Variants in OPHN1 observed in about 807,000 individuals in gnomAD.
The protein encoded by OPHN1 is oligophrenin-1.
A neutral mutation model predicts 60.7 loss-of-function variants in OPHN1; 11 were observed. The observed-to-expected ratio is 0.18, with a 90% CI of 0.11 to 0.30. OPHN1 has a LOEUF of 0.30. Ranked by LOEUF, OPHN1 falls within the 10% of genes least tolerant of loss-of-function variation. OPHN1 has a pLI of 1.00. For synonymous variants in OPHN1, 226 were observed against 222.6 expected, an observed-to-expected ratio of 1.02 and a Z score of -0.14; for missense variants, 449 against 611.0, an observed-to-expected ratio of 0.73 and a Z score of 2.80.
chrX:68,271,352 C>T (rs1011621379), intron 5 of OPHN1, among the ~76,000 whole-genome samples: 1 of 106,271 alleles, frequency 9.4e-6, no homozygotes, highest in African/African-American at 3.5e-5. Flanking sequence ...ATGGCGAAAC[C>T]CTATCTCTAC....
Position 68,095,298 on chromosome X carries a change from G to A in OPHN1, c.1686+1572C>T, listed in dbSNP as rs761031080. Among the ~76,000 whole-genome samples the A allele has an allele frequency of 1.7e-4, 19 of 111,524 alleles. No individual in the cohort carries two copies. The South Asian group carries it at 4.5e-3, about 26-fold the overall frequency. On this transcript the variant is annotated intron_variant, in intron 19 of 24. Transcript: ENST00000355520. ...TCAGCAAATTACAGCCCACAGGCCT[G>A]TTTCCCATTTTGTAAATAGAATTTT...
At chrX:68,133,824 AT>A (rs559388407) in intron 15 of OPHN1, among the ~76,000 whole-genome samples, 25 of 110,295 alleles carry the variant, frequency 2.3e-4, no homozygotes, top group East Asian at 5.7e-4. Context: ...GTATAGTGCA[AT>A]TTTTTTTTGA....
At chrX:68,376,291 A>G (rs1225636023) in intron 2 of OPHN1, among the ~76,000 whole-genome samples, 2 of 111,828 alleles carry the variant, frequency 1.8e-5, no homozygotes, top group African/African-American at 6.5e-5. Flanking sequence ...CAGCAGAAAG[A>G]TCAGAGAAGG....
chrX:68,281,746 G>A (rs2078020250), intron 4 of OPHN1, among the ~76,000 whole-genome samples: 1 of 112,150 alleles, frequency 8.9e-6, no homozygotes, highest in African/African-American at 3.2e-5. Flanking sequence ...TTTAATAATA[G>A]GCAAAAGAAC....
chrX:68,262,676 A>T (rs1668466251), intron 5 of OPHN1, among the ~76,000 whole-genome samples: 1 of 112,189 alleles, frequency 8.9e-6, no homozygotes, highest in African/African-American at 3.2e-5. Flanking sequence ...AATTCAAGCT[A>T]CTTGGAAGGC....
intron 2 of OPHN1, among the ~76,000 whole-genome samples, chrX:68,428,430 G>A (rs1029296577): frequency 8.1e-5 from 9 of 111,022 alleles, no homozygotes; most frequent in African/African-American, 2.9e-4. Flanking sequence ...ATATCATCAG[G>A]TCCACCTGTT....
Position 68,244,826 on chromosome X carries a change from C to T in OPHN1, c.385-10238G>A, listed in dbSNP as rs190926356. Among the ~76,000 whole-genome samples, 138 of 111,247 alleles carry T rather than the reference C, an allele frequency of 1.2e-3. 1 individual carries two copies. Among genetic ancestry groups the T allele is most frequent in the African/African-American group, 4.4e-3 (134 of 30,636 alleles). On this transcript the variant is annotated intron_variant, in intron 5 of 24. Transcript: ENST00000355520. ...GCCTGTGAATGTTACTATTCTTATC[C>T]CAATTTTACAGAAGAGGAATGAGCC...
intron 2 of OPHN1, among the ~76,000 whole-genome samples, chrX:68,361,927 G>C (rs1291797545): frequency 8.9e-6 from 1 of 111,895 alleles, no homozygotes; most frequent in Admixed American, 9.5e-5. Context: ...GTAGGAGGTG[G>C]TATATGGTTG....
chrX:68,419,594 G>A (rs181794926), intron 2 of OPHN1, among the ~76,000 whole-genome samples: 1 of 99,876 alleles, frequency 1.0e-5, no homozygotes, highest in East Asian at 3.2e-4. Context: ...AGGCTGGAGT[G>A]CAGTGGTGTG....
At chrX:68,353,573 TTAAATAAA>T (rs748979828) in intron 2 of OPHN1, among the ~76,000 whole-genome samples, 2 of 110,354 alleles carry the variant, frequency 1.8e-5, no homozygotes, top group African/African-American at 3.3e-5. Flanking sequence ...AAACTCCACC[TTAAATAAA>T]TAAATAAATA....
At chrX:68,394,076 T>C (rs1191795582) in intron 2 of OPHN1, among the ~76,000 whole-genome samples, 16 of 105,115 alleles carry the variant, frequency 1.5e-4, no homozygotes, top group African/African-American at 1.7e-4. Context: ...TTTGTATTTT[T>C]AGTAGAGACG....
chrX:68,197,596 T>C (rs996416699), intron 11 of OPHN1, among the ~76,000 whole-genome samples: 6 of 110,848 alleles, frequency 5.4e-5, no homozygotes, highest in African/African-American at 2.0e-4. Flanking sequence ...CTCACTGCCT[T>C]ACTCTGTTGG....
intron 15 of OPHN1, among the ~76,000 whole-genome samples, chrX:68,146,235 A>G (rs1446424635): frequency 1.8e-5 from 2 of 112,135 alleles, no homozygotes; most frequent in Non-Finnish European, 3.8e-5. Flanking sequence ...GGAAATTTTT[A>G]AGACATGGCT....
chrX:68,223,561 A>AG (rs749940587), intron 6 of OPHN1, among the ~76,000 whole-genome samples: 58 of 111,195 alleles, frequency 5.2e-4, no homozygotes, highest in Non-Finnish European at 9.4e-4. Context: ...GGGTGGTGAG[A>AG]GGGGGCTGAA....
intron 15 of OPHN1, among the ~76,000 whole-genome samples, chrX:68,130,159 A>C (rs1301809247): frequency 9.0e-6 from 1 of 111,563 alleles, no homozygotes; most frequent in Non-Finnish European, 1.9e-5. Context: ...TTAATAACTA[A>C]TATTGGCACA....
At chrX:68,217,823 T>A (rs1468882170) in intron 6 of OPHN1, among the ~76,000 whole-genome samples, 4 of 75,741 alleles carry the variant, frequency 5.3e-5, no homozygotes, top group Non-Finnish European at 1.2e-4. Flanking sequence ...ACCACAAAGA[T>A]GGGGAAAAAA....
intron 7 of OPHN1, 140 bp downstream of exon 7, chrX:68,213,722 C>T (rs988712174): frequency 1.7e-5 from 8 of 465,349 alleles, no homozygotes; most frequent in Middle Eastern, 5.9e-4. Flanking sequence ...ACAAGAAAAA[C>T]GTAAGTTAGA....
intron 15 of OPHN1, among the ~76,000 whole-genome samples, chrX:68,127,083 T>C (rs1314844237): frequency 9.0e-6 from 1 of 110,671 alleles, no homozygotes; most frequent in Non-Finnish European, 1.9e-5. Flanking sequence ...AGTAGACTGG[T>C]GAGTATCAGA....
At chrX:68,093,676 C>T in intron 19 of OPHN1, among the ~76,000 whole-genome samples, 1 of 111,423 alleles carries the variant, frequency 9.0e-6, no homozygotes, top group Non-Finnish European at 1.9e-5. Flanking sequence ...TCCCTAATGG[C>T]TAGTGATCTT....
Sources: gnomAD v4.1 joint callset for allele counts (sites outside exome capture counted in the v4.1 genomes callset) on GRCh38, gnomAD v4.1.1 for gene constraint, MANE v1.5 for transcripts, NCBI Gene and HGNC (gene_info 2026-07-23, HGNC 2026-07-21) for gene names.